HACD2: variants seen among roughly 807,000 people sequenced by gnomAD.
HACD2 encodes the protein 3-hydroxyacyl-CoA dehydratase 2.
HACD2 carries 15 observed loss-of-function variants against 31.0 expected under a neutral mutation model. The ratio of observed to expected loss-of-function variants is 0.48; its 90% confidence interval spans 0.32 to 0.75. The LOEUF (loss-of-function observed/expected upper bound fraction) is 0.75, where lower values mean the gene tolerates loss of function less well. Ranked by LOEUF, HACD2 falls within the 30% of genes least tolerant of loss-of-function variation. HACD2 has a pLI of 0.03. For missense variants in HACD2, 283 were observed against 313.0 expected (o/e 0.90, Z 0.72); for synonymous variants, 115 against 122.2 (o/e 0.94, Z 0.39).
chr3:123,547,948 T>C (rs2056579157), intron 3 of HACD2, among the ~76,000 whole-genome samples: 1 of 152,016 alleles, frequency 6.6e-6, no homozygotes, highest in African/African-American at 2.4e-5. Context: ...AACTCACACT[T>C]ACTAAAGCAC....
intron 3 of HACD2, among the ~76,000 whole-genome samples, chr3:123,551,437 G>T (rs2056619011): frequency 6.6e-6 from 1 of 151,892 alleles, no homozygotes; most frequent in South Asian, 2.1e-4. Flanking sequence ...TGGCCAACAT[G>T]GTGAATCCCC....
rs775012683 is a variant in HACD2 at position 123,567,670 on chromosome 3, A to G, written c.292+92T>C. The G allele has an allele frequency of 1.6e-5, 13 of 831,300 alleles. No homozygotes were observed. In the Admixed American group the frequency reaches 1.9e-4, roughly 12 times the overall value. 51.5% of individuals were successfully genotyped at this position (831,300 alleles called of 1,614,324 possible). ...ATGACTAAATCATTTCATTTTTTCA[A>G]TATTTAACAGAAATCAATAAAGCCT... On this transcript the variant is annotated intron_variant, in intron 3 of 6. Transcript: ENST00000383657.
chr3:123,557,954 G>T (rs1228177035), intron 3 of HACD2, among the ~76,000 whole-genome samples: 1 of 152,200 alleles, frequency 6.6e-6, no homozygotes, highest in Non-Finnish European at 1.5e-5. Context: ...TTGAAAACTT[G>T]CATCTGCACA....
chr3:123,509,635 A>G (rs1206551884), intron 4 of HACD2, among the ~76,000 whole-genome samples: 1 of 151,564 alleles, frequency 6.6e-6, no homozygotes, highest in Non-Finnish European at 1.5e-5. Context: ...AGTAGCTGGG[A>G]CTACAGGTGC....
intron 2 of HACD2, among the ~76,000 whole-genome samples, chr3:123,571,744 G>C (rs1245035922): frequency 6.6e-6 from 1 of 152,154 alleles, no homozygotes; most frequent in Non-Finnish European, 1.5e-5. Flanking sequence ...GTCAAGCCCA[G>C]CTTCTGACTT....
At chr3:123,552,153 C>T (rs934044233) in intron 3 of HACD2, among the ~76,000 whole-genome samples, 2 of 152,194 alleles carry the variant, frequency 1.3e-5, no homozygotes, top group South Asian at 2.1e-4. Flanking sequence ...AGACAGTCTA[C>T]CCTAATTATA....
intron 6 of HACD2, among the ~76,000 whole-genome samples, chr3:123,496,175 C>G (rs115525119): frequency 6.6e-6 from 1 of 152,068 alleles, no homozygotes; most frequent in Non-Finnish European, 1.5e-5. Flanking sequence ...AGGTGCACAC[C>G]ACTTCACACC....
intron 3 of HACD2, among the ~76,000 whole-genome samples, chr3:123,562,516 A>G (rs2056744494): frequency 1.6e-5 from 2 of 128,358 alleles, no homozygotes; most frequent in African/African-American, 7.1e-5. Context: ...ATAATCTTTT[A>G]ATATTATTCT....
At chr3:123,571,773 C>A (rs533064068) in intron 2 of HACD2, among the ~76,000 whole-genome samples, 1 of 152,292 alleles carries the variant, frequency 6.6e-6, no homozygotes, top group Admixed American at 6.5e-5. Flanking sequence ...ATGAGCTAAT[C>A]GATGAGCATT....
chr3:123,503,817 A>T (rs867319677), intron 4 of HACD2, among the ~76,000 whole-genome samples: 2 of 152,136 alleles, frequency 1.3e-5, no homozygotes, highest in South Asian at 4.1e-4. Context: ...CCCACTCCTA[A>T]TATCTAATAC....
intron 3 of HACD2, among the ~76,000 whole-genome samples, chr3:123,539,911 TAAAAAAAAAAAAAA>T (rs71142741): frequency 1.2e-4 from 3 of 24,478 alleles, no homozygotes; most frequent in Non-Finnish European, 1.9e-4. Flanking sequence ...TCGTCTCTAC[TAAAAAAAAAAAAAA>T]AAAAAAAAAA....
At chr3:123,522,428 T>C (rs1451776438) in intron 4 of HACD2, among the ~76,000 whole-genome samples, 3 of 151,422 alleles carry the variant, frequency 2.0e-5, no homozygotes, top group South Asian at 2.1e-4. Flanking sequence ...AAAATCTTCA[T>C]ACACAGTACA....
intron 3 of HACD2, among the ~76,000 whole-genome samples, chr3:123,544,288 G>A (rs1232350937): frequency 1.3e-5 from 2 of 152,110 alleles, no homozygotes; most frequent in African/African-American, 4.8e-5. Flanking sequence ...ATTATAGCCC[G>A]CACCTAACAA....
intron 3 of HACD2, among the ~76,000 whole-genome samples, chr3:123,553,853 A>G (rs2056645149): frequency 6.6e-6 from 1 of 151,990 alleles, no homozygotes; most frequent in Non-Finnish European, 1.5e-5. Context: ...AGGATCCATG[A>G]AATGCTAACA....
chr3:123,498,097 A>G (rs1329244244), intron 6 of HACD2, among the ~76,000 whole-genome samples: 2 of 152,226 alleles, frequency 1.3e-5, no homozygotes, highest in Admixed American at 1.3e-4. Flanking sequence ...GAGAACATCC[A>G]GAGCTGCTGG....
At chr3:123,544,916 A>C (rs892060719) in intron 3 of HACD2, among the ~76,000 whole-genome samples, 1 of 151,794 alleles carries the variant, frequency 6.6e-6, no homozygotes, top group Non-Finnish European at 1.5e-5. Context: ...TCTCCAAAAA[A>C]TACAAAAACT....
rs374418103 is a variant in HACD2 at position 123,526,388 on chromosome 3, A to C, written c.381+1998T>G. On this transcript the variant is annotated intron_variant, in intron 4 of 6. Coordinates refer to ENST00000383657, the MANE Select transcript of HACD2 (RefSeq NM_198402.5). Reference sequence around the variant, plus strand: ...TAGGACAGCAGAAACGCTGAAGTCCAATTACAAGTGAAAAGAGTAAGTCAA... The same window carrying C: ...TAGGACAGCAGAAACGCTGAAGTCCCATTACAAGTGAAAAGAGTAAGTCAA... Among the ~76,000 whole-genome samples, 13 of 152,374 alleles carry C rather than the reference A, an allele frequency of 8.5e-5. 1 individual carries two copies. The East Asian group carries it at 1.3e-3, about 16-fold the overall frequency.
chr3:123,582,127 G>A lies in HACD2; in HGVS notation c.273+85C>T, dbSNP rs973961197. ...TCAAAATTTAACATGAATCCAAAGG[G>A]GGTATGCTACTTCAATATAATTTAG... On this transcript the variant is annotated intron_variant, in intron 2 of 6. Transcript: ENST00000383657. 5.9e-6 allele frequency: 5 copies of A among 847,644 alleles called. No individual in the cohort carries two copies. In the Admixed American group the frequency reaches 1.0e-4, roughly 18 times the overall value. 52.5% of individuals were successfully genotyped at this position (847,644 alleles called of 1,614,324 possible).
At chr3:123,522,072 G>A (rs1466918648) in intron 4 of HACD2, among the ~76,000 whole-genome samples, 1 of 152,108 alleles carries the variant, frequency 6.6e-6, no homozygotes, top group African/African-American at 2.4e-5. Context: ...CTGGGAGGCC[G>A]AGGCAGGAGG....
Sources: gnomAD v4.1 joint callset for allele counts (sites outside exome capture counted in the v4.1 genomes callset) on GRCh38, gnomAD v4.1.1 for gene constraint, MANE v1.5 for transcripts, NCBI Gene and HGNC (gene_info 2026-07-23, HGNC 2026-07-21) for gene names.